Variants in DMBT1 observed in about 807,000 individuals in gnomAD.
DMBT1 encodes deleted in malignant brain tumors 1, also known as scavenger receptor cysteine-rich domain-containing protein DMBT1.
A neutral mutation model predicts 252.9 loss-of-function variants in DMBT1; 198 were observed. The ratio of observed to expected loss-of-function variants is 0.78; its 90% CI spans 0.70 to 0.88. DMBT1 has a LOEUF of 0.88. Among genes scored for constraint, DMBT1 ranks in the 40% least tolerant of loss-of-function variants. The probability of loss-of-function intolerance (pLI) is 0.00; values close to 1 mark genes in which losing one functional copy is unlikely to be tolerated. For synonymous variants in DMBT1, 990 were observed against 942.7 expected (o/e 1.05, Z -0.92); for missense variants, 2,432 against 2,404.7 (o/e 1.01, Z -0.24).
At position 122,592,211 on chromosome 10, in the gene DMBT1, C is replaced by T. The variant is rs966907046; in HGVS notation, c.2177-61C>T. The stretch of plus-strand genomic sequence containing the variant: ...ATTAGGAAGTACCCTGAGTGTGGAA[C>T]GTGCCTTAGATCCTTACCTCATGGT... On this transcript the variant is annotated intron_variant, in intron 19 of 55. Transcript: ENST00000338354. 56 of 1,567,018 alleles carry T rather than the reference C, an allele frequency of 3.6e-5. 6 individuals carry two copies. The highest frequency in any genetic ancestry group is 2.3e-4 in the Middle Eastern group (1 of 4,384).
intron 21 of DMBT1, among the ~76,000 whole-genome samples, chr10:122,594,229 G>A (rs2097881130): frequency 7.2e-6 from 1 of 138,854 alleles, no homozygotes; most frequent in Non-Finnish European, 1.6e-5. Flanking sequence ...ATCAGCAGAT[G>A]TGGGATGGCA....
chr10:122,584,492 T>C (rs977362525), intron 14 of DMBT1, 141 bp downstream of exon 14: 5 of 430,388 alleles, frequency 1.2e-5, no homozygotes, highest in Non-Finnish European at 2.1e-5. Context: ...ACTGAGACCC[T>C]GGAATGGCGC....
At chr10:122,620,542 C>A (rs568073637) in intron 43 of DMBT1, among the ~76,000 whole-genome samples, 2 of 152,198 alleles carry the variant, frequency 1.3e-5, no homozygotes, top group Non-Finnish European at 2.9e-5. Context: ...GTGCTCAGGA[C>A]AAGCCCTGGA....
At chr10:122,590,643 T>A in intron 17 of DMBT1, 22 bp from the exon 18 acceptor site, 3 of 1,587,636 alleles carry the variant, frequency 1.9e-6, no homozygotes, top group Non-Finnish European at 2.6e-6. Context: ...GTGCATCTGA[T>A]CTGACCTCCT....
At chr10:122,578,400 T>C (rs549665778) in intron 8 of DMBT1, among the ~76,000 whole-genome samples, 22 of 152,258 alleles carry the variant, frequency 1.4e-4, no homozygotes, top group Non-Finnish European at 2.9e-4. Context: ...TAGCTGCAAG[T>C]GTCAAGTCTT....
chr10:122,626,763 A>G (rs1404652966), intron 46 of DMBT1, among the ~76,000 whole-genome samples: 1 of 152,256 alleles, frequency 6.6e-6, no homozygotes, highest in Non-Finnish European at 1.5e-5. Context: ...CAGTTGTGAC[A>G]ACTGTTTCCA....
chr10:122,575,300 C>T (rs1394239412), intron 6 of DMBT1, among the ~76,000 whole-genome samples: 1 of 152,196 alleles, frequency 6.6e-6, no homozygotes, highest in East Asian at 1.9e-4. Flanking sequence ...TACATGTAGG[C>T]ACATCGGAAT....
intron 4 of DMBT1, 72 bp downstream of exon 4, chr10:122,571,009 A>G (rs2097658103): frequency 7.8e-6 from 12 of 1,547,312 alleles, no homozygotes; most frequent in South Asian, 5.6e-5. Context: ...TCTGATTCAG[A>G]CGAGGTGCAG....
At position 122,586,414 on chromosome 10, in the gene DMBT1, T is replaced by G. The variant is rs573497759; in HGVS notation, c.1783+31T>G. On this transcript the variant is annotated intron_variant, in intron 16 of 55. Coordinates refer to ENST00000338354, the MANE Select transcript of DMBT1 (RefSeq NM_001377530.1). ...CCTCCAAGACTTTTGGTTTCCTCTC[T>G]TGGGGTAGATTTTGCTCAGGAAGGT... The G allele has an allele frequency of 6.8e-5, 108 of 1,585,452 alleles. 21 individuals carry two copies. The South Asian group carries it at 1.3e-3, about 18-fold the overall frequency.
chr10:122,600,434 G>A (rs1326122210), intron 27 of DMBT1, among the ~76,000 whole-genome samples: 1 of 152,166 alleles, frequency 6.6e-6, no homozygotes, highest in Non-Finnish European at 1.5e-5. Context: ...AAAATTGTGA[G>A]TGTCACCCTC....
intron 5 of DMBT1, among the ~76,000 whole-genome samples, 158 bp downstream of exon 5, chr10:122,572,519 T>C (rs2277232): frequency 0.69 from 104,542 of 152,088 alleles, 36,145 homozygotes; most frequent in East Asian, 0.78. Context: ...TATGTGCAAC[T>C]CTGAGTCCAT....
At chr10:122,600,589 G>C (rs1030034183) in intron 27 of DMBT1, among the ~76,000 whole-genome samples, 1 of 151,976 alleles carries the variant, frequency 6.6e-6, no homozygotes, top group Non-Finnish European at 1.5e-5. Flanking sequence ...AAAGGTTTGT[G>C]ATGTCACTGC....
intron 4 of DMBT1, 66 bp downstream of exon 4, chr10:122,571,003 A>T (rs1565568729): frequency 6.4e-7 from 1 of 1,562,118 alleles, no homozygotes; most frequent in East Asian, 2.2e-5. Context: ...TTCATCTCTG[A>T]TTCAGACGAG....
At chr10:122,640,852 C>A (rs1294673885) in intron 55 of DMBT1, among the ~76,000 whole-genome samples, 2 of 152,122 alleles carry the variant, frequency 1.3e-5, no homozygotes, top group East Asian at 3.9e-4. Context: ...TGGAGCAGAC[C>A]AAGGTTGAAA....
chr10:122,590,361 G>A (rs951850726), intron 17 of DMBT1, among the ~76,000 whole-genome samples: 1 of 148,908 alleles, frequency 6.7e-6, no homozygotes, highest in Non-Finnish European at 1.5e-5. Context: ...TGCTGGAGTG[G>A]CCTCTTCATA....
chr10:122,587,436 C>T (rs771066398), intron 16 of DMBT1, among the ~76,000 whole-genome samples: 17 of 148,848 alleles, frequency 1.1e-4, no homozygotes, highest in African/African-American at 2.7e-4. Flanking sequence ...GCCTGTGCAC[C>T]GGTCAGGTGT....
At chr10:122,598,749 G>A in intron 25 of DMBT1, 25 bp from the exon 26 acceptor site, 1 of 1,612,550 alleles carries the variant, frequency 6.2e-7, no homozygotes, top group Non-Finnish European at 8.5e-7. Flanking sequence ...AGGGATGGAT[G>A]AAGGATTCTT....
At chr10:122,566,717 G>T (rs1423760116) in intron 2 of DMBT1, among the ~76,000 whole-genome samples, 1 of 152,084 alleles carries the variant, frequency 6.6e-6, no homozygotes, top group Non-Finnish European at 1.5e-5. Flanking sequence ...GAAATGAATT[G>T]ATATATTTTT....
intron 46 of DMBT1, 105 bp from the exon 47 acceptor site, chr10:122,629,735 A>G: frequency 7.3e-7 from 1 of 1,362,078 alleles, no homozygotes. Context: ...AAGTCTTGTT[A>G]TAAAGTGCAG....
Sources: gnomAD v4.1 joint callset for allele counts (sites outside exome capture counted in the v4.1 genomes callset) on GRCh38, gnomAD v4.1.1 for gene constraint, MANE v1.5 for transcripts, NCBI Gene and HGNC (gene_info 2026-07-23, HGNC 2026-07-21) for gene names.